Variants in KCNMA1 observed in about 807,000 individuals in gnomAD.
The protein encoded by KCNMA1 is potassium calcium-activated channel subfamily M alpha 1, also known as Calcium-activated potassium channel subunit alpha-1.
Under a neutral mutation model 140.0 loss-of-function variants are expected in KCNMA1, and 29 were observed. That is an observed-to-expected ratio of 0.21 (90% CI 0.15 to 0.28). The LOEUF (loss-of-function observed/expected upper bound fraction) is 0.28, where lower values mean the gene tolerates loss of function less well. Among genes scored for constraint, KCNMA1 ranks in the 10% least tolerant of loss-of-function variants. The pLI, the probability that KCNMA1 is intolerant of heterozygous loss-of-function variation, is 1.00. For synonymous variants in KCNMA1, 612 were observed against 611.9 expected, an observed-to-expected ratio of 1.00 and a Z score of 0.00; for missense variants, 880 against 1,602.2, an observed-to-expected ratio of 0.55 and a Z score of 7.70.
intron 1 of KCNMA1, among the ~76,000 whole-genome samples, chr10:77,490,427 C>A (rs967379699): frequency 3.3e-5 from 5 of 152,156 alleles, no homozygotes; most frequent in Non-Finnish European, 7.3e-5. Flanking sequence ...TTACAGACAG[C>A]AATGACTTAA....
At chr10:77,041,905 G>A (rs1450703553) in intron 14 of KCNMA1, among the ~76,000 whole-genome samples, 3 of 152,186 alleles carry the variant, frequency 2.0e-5, no homozygotes, top group Non-Finnish European at 4.4e-5. Context: ...CAGAAGGAGA[G>A]CTAGGAACAG....
At chr10:77,361,868 A>C (rs2093980299) in intron 2 of KCNMA1, among the ~76,000 whole-genome samples, 1 of 152,214 alleles carries the variant, frequency 6.6e-6, no homozygotes, top group Non-Finnish European at 1.5e-5. Context: ...GCAAGGCAGC[A>C]CACAGCAAGC....
intron 9 of KCNMA1, among the ~76,000 whole-genome samples, chr10:77,095,812 A>T (rs1485391666): frequency 2.0e-5 from 3 of 152,202 alleles, no homozygotes; most frequent in Non-Finnish European, 4.4e-5. Flanking sequence ...TCAGAGCTCA[A>T]TTCCACAGGT....
intron 1 of KCNMA1, 187 bp downstream of exon 1, chr10:77,637,078 C>G (rs903605978): frequency 5.9e-6 from 8 of 1,345,988 alleles, no homozygotes; most frequent in Non-Finnish European, 7.8e-6. Context: ...ACTCCTCACC[C>G]CCGGCGCGCC....
chr10:77,607,515 G>A (rs529552833), intron 1 of KCNMA1, among the ~76,000 whole-genome samples: 10 of 152,284 alleles, frequency 6.6e-5, no homozygotes, highest in South Asian at 2.1e-4. Flanking sequence ...GATCATCCAG[G>A]TGGGCCCTAA....
chr10:77,475,502 C>T (rs2098260143), intron 1 of KCNMA1, among the ~76,000 whole-genome samples: 1 of 152,170 alleles, frequency 6.6e-6, no homozygotes, highest in Admixed American at 6.5e-5. Flanking sequence ...TAGTGGTCTG[C>T]ATTTTACATA....
chr10:76,920,002 G>C (rs1358589508), intron 23 of KCNMA1, among the ~76,000 whole-genome samples: 2 of 55,820 alleles, frequency 3.6e-5, no homozygotes, highest in Middle Eastern at 7.2e-3. Context: ...GTGTGTGTGT[G>C]TGTGTGTGTG....
chr10:76,999,659 G>T (rs2085534421), intron 19 of KCNMA1, among the ~76,000 whole-genome samples: 1 of 152,216 alleles, frequency 6.6e-6, no homozygotes, highest in African/African-American at 2.4e-5. Flanking sequence ...GGAAAATAAA[G>T]TGATAAGGAT....
chr10:76,890,289 G>A (rs1340987357), intron 26 of KCNMA1, among the ~76,000 whole-genome samples: 1 of 152,300 alleles, frequency 6.6e-6, no homozygotes, highest in South Asian at 2.1e-4. Flanking sequence ...GGTGGCTTCA[G>A]GTAGATGTTA....
intron 5 of KCNMA1, among the ~76,000 whole-genome samples, chr10:77,152,363 G>A (rs1400084140): frequency 6.6e-6 from 1 of 151,552 alleles, no homozygotes; most frequent in East Asian, 1.9e-4. Flanking sequence ...GGGTTCCTCT[G>A]CAGGAGAACC....
intron 20 of KCNMA1, among the ~76,000 whole-genome samples, chr10:76,968,985 G>A (rs548428108): frequency 1.3e-5 from 2 of 152,232 alleles, no homozygotes; most frequent in South Asian, 2.1e-4. Context: ...CAAAACTAAT[G>A]TCAAGATGGC....
chr10:77,044,542 A>G (rs540416392), intron 14 of KCNMA1, among the ~76,000 whole-genome samples: 1 of 152,200 alleles, frequency 6.6e-6, no homozygotes, highest in South Asian at 2.1e-4. Context: ...CCAGCTACTC[A>G]GGAGGCTGAG....
chr10:77,010,122 C>T (rs1009363570), intron 18 of KCNMA1, among the ~76,000 whole-genome samples: 5 of 152,160 alleles, frequency 3.3e-5, no homozygotes, highest in East Asian at 1.9e-4. Context: ...GGCAAATATC[C>T]TGTCAGGGGT....
At chr10:77,347,601 C>T (rs1300886684) in intron 2 of KCNMA1, among the ~76,000 whole-genome samples, 3 of 152,128 alleles carry the variant, frequency 2.0e-5, no homozygotes, top group Non-Finnish European at 4.4e-5. Context: ...CTTTACCGCT[C>T]GGGTGTGCTT....
At chr10:77,522,298 G>GA (rs1254330097) in intron 1 of KCNMA1, among the ~76,000 whole-genome samples, 1 of 152,078 alleles carries the variant, frequency 6.6e-6, no homozygotes, top group East Asian at 1.9e-4. Context: ...CTCCACTGGG[G>GA]AAGGGGTCCT....
chr10:77,400,797 C>G (rs183560878), intron 2 of KCNMA1, among the ~76,000 whole-genome samples: 2 of 152,240 alleles, frequency 1.3e-5, no homozygotes, highest in East Asian at 3.9e-4. Flanking sequence ...TCAAACTGAT[C>G]ATAACATATA....
At chr10:77,212,501 C>T (rs371270774) in intron 3 of KCNMA1, among the ~76,000 whole-genome samples, 22 of 152,248 alleles carry the variant, frequency 1.4e-4, no homozygotes, top group African/African-American at 4.6e-4. Flanking sequence ...GTACTATGCT[C>T]GCTACCTGGG....
At chr10:77,359,693 C>A (rs2093785297) in intron 2 of KCNMA1, among the ~76,000 whole-genome samples, 1 of 152,172 alleles carries the variant, frequency 6.6e-6, no homozygotes, top group Non-Finnish European at 1.5e-5. Context: ...GGAAATGGCG[C>A]CCCAAAGACC....
At chr10:77,574,641 A>G (rs2073322924) in intron 1 of KCNMA1, among the ~76,000 whole-genome samples, 1 of 152,172 alleles carries the variant, frequency 6.6e-6, no homozygotes, top group African/African-American at 2.4e-5. Context: ...CTAATCTCTG[A>G]GCCTTTAGTT....
Sources: allele counts gnomAD v4.1 joint callset (sites outside exome capture counted in the v4.1 genomes callset), GRCh38; gene constraint gnomAD v4.1.1; transcripts MANE v1.5; gene names NCBI Gene and HGNC (gene_info 2026-07-23, HGNC 2026-07-21).